Variants in NEU2 observed in about 807,000 individuals in gnomAD.
The protein encoded by NEU2 is neuraminidase 2, also known as sialidase-2.
Under a neutral mutation model 6.3 loss-of-function variants are expected in NEU2, and 7 were observed. The observed-to-expected ratio is 1.12, with a 90% CI of 0.63 to 2.10. NEU2 has a LOEUF of 2.10. Among genes scored for constraint, NEU2 ranks in the 30% most tolerant of loss-of-function variants. The probability of loss-of-function intolerance (pLI) is 0.00; values close to 1 mark genes in which losing one functional copy is unlikely to be tolerated. For synonymous variants in NEU2, 208 were observed against 223.3 expected (o/e 0.93, Z 0.61); for missense variants, 509 against 504.0 (o/e 1.01, Z -0.09).
At position 233,034,509 on chromosome 2, in the gene NEU2, A is replaced by G; in HGVS notation, c.595A>G (p.Ser199Gly). Residue 199 changes from serine (S) to glycine (G), a missense_variant, in exon 2 of 2, where the codon AGC (serine) becomes GGC (glycine). Coordinates refer to ENST00000233840, the MANE Select transcript of NEU2 (RefSeq NM_005383.2). The surrounding 1 kb of genome is among the most constrained non-coding windows in gnomAD (Gnocchi z 4.8). ...RPIPSAFCFL[S>G]HDHGRTWARG... ...GATCCCCTCTGCCTTCTGCTTCCTCAGCCATGACCATGGGCGCACGTGGGC... is the reference window on the plus strand; with the variant it reads ...GATCCCCTCTGCCTTCTGCTTCCTCGGCCATGACCATGGGCGCACGTGGGC... The G allele has an allele frequency of 1.2e-6, 2 of 1,614,076 alleles. No homozygotes were observed. The highest frequency in any genetic ancestry group is 8.5e-7 in the Non-Finnish European group (1 of 1,179,984).
chr2:233,034,625 A>T lies in NEU2; in HGVS notation c.711A>T (p.Arg237Ser). 6.2e-7 allele frequency: 1 copy of T among 1,607,774 alleles called. No individual in the cohort carries two copies. The highest frequency in any genetic ancestry group is 8.5e-7 in the Non-Finnish European group (1 of 1,175,860). ...AGAGGGTGGTGACCCTCAACGCGAG[A>T]AGCCACCTCCGAGCCAGGGTCCAGG... ...GEQRVVTLNA[R>S]SHLRARVQAQ... The change falls in exon 2 of 2, where the codon AGA becomes AGT. Residue 237 changes from arginine to serine, a missense_variant. Transcript: ENST00000233840. This position sits in a 1 kb window ranked among gnomAD's most constrained non-coding sequence, Gnocchi z 4.8.
chr2:233,033,243 T>G (rs1026231070), intron 1 of NEU2, among the ~76,000 whole-genome samples: 2 of 152,172 alleles, frequency 1.3e-5, no homozygotes, highest in African/African-American at 2.4e-5. Context: ...TTTTATAGAT[T>G]AAATAATTAA....
chr2:233,034,620 G>T lies in NEU2; in HGVS notation c.706G>T (p.Ala236Ser), dbSNP rs552418447. 3.5e-5 allele frequency: 57 copies of T among 1,609,274 alleles called. 1 individual carries two copies. In the South Asian group the frequency reaches 5.4e-4, roughly 15 times the overall value. Residue 236 changes from alanine (A) to serine (S), a missense_variant, in exon 2 of 2, where the codon GCG (alanine) becomes TCG (serine). Transcript: ENST00000233840. This position sits in a 1 kb window ranked among gnomAD's most constrained non-coding sequence, Gnocchi z 4.8. ...TGEQRVVTLN[A>S]RSHLRARVQA... ...GGAGCAGAGGGTGGTGACCCTCAAC[G>T]CGAGAAGCCACCTCCGAGCCAGGGT...
At position 233,034,793 on chromosome 2, in the gene NEU2, G is replaced by A; in HGVS notation, c.879G>A (p.Leu293=). The A allele has an allele frequency of 6.4e-7, 1 of 1,567,016 alleles. No individual in the cohort carries two copies. The highest frequency in any genetic ancestry group is 8.7e-7 in the Non-Finnish European group (1 of 1,155,896). ...GGCCTGGCTCCCCAGCCCAGTGGCT[G>A]CTCTACACTCACCCCACACACTCCT... is the stretch of plus-strand genomic sequence containing the variant. ...RSGPGSPAQW[L]LYTHPTHSWQ... is the part of the protein sequence containing the mutation. The change falls in exon 2 of 2, where the codon CTG becomes CTA. Residue 293 remains leucine (L), a synonymous_variant. Transcript: ENST00000233840. The surrounding 1 kb of genome is among the most constrained non-coding windows in gnomAD (Gnocchi z 4.8).
Position 233,034,250 on chromosome 2 carries a change from A to G in NEU2, c.336A>G (p.Gln112=), listed in dbSNP as rs1690554879. The G allele has an allele frequency of 1.2e-6, 2 of 1,614,012 alleles. No individual in the cohort carries two copies. Among genetic ancestry groups the G allele is most frequent in the Admixed American group, 3.3e-5 (2 of 59,994 alleles). The part of the protein sequence containing the change: ...FIAIPGQVTE[Q]QQLQTRANVT... Reference sequence around the variant, plus strand: ...CCATCCCTGGGCAAGTCACGGAGCAACAGCAGCTGCAGACCAGGGCCAATG... The same window carrying G: ...CCATCCCTGGGCAAGTCACGGAGCAGCAGCAGCTGCAGACCAGGGCCAATG... The change falls in exon 2 of 2, where the codon CAA becomes CAG. Residue 112 remains glutamine (Q), a synonymous_variant. Coordinates refer to ENST00000233840, the MANE Select transcript of NEU2 (RefSeq NM_005383.2). This position sits in a 1 kb window ranked among gnomAD's most constrained non-coding sequence, Gnocchi z 4.8.
intron 1 of NEU2, among the ~76,000 whole-genome samples, chr2:233,033,158 T>C (rs1690537969): frequency 6.6e-6 from 1 of 152,188 alleles, no homozygotes; most frequent in African/African-American, 2.4e-5. Context: ...TGTTGCATAA[T>C]GGAGGGTTGT....
chr2:233,034,015 C>T lies in NEU2; in HGVS notation c.202-101C>T. 9.8e-7 allele frequency: 1 copy of T among 1,015,358 alleles called. No homozygotes were observed. Among genetic ancestry groups the T allele is most frequent in the Non-Finnish European group, 1.5e-6 (1 of 688,594 alleles). The allele number at this position is 1,015,358 out of a possible 1,614,324, so 62.9% of individuals were successfully genotyped here. On this transcript the variant is annotated intron_variant, in intron 1 of 1. Coordinates refer to ENST00000233840, the MANE Select transcript of NEU2 (RefSeq NM_005383.2). The surrounding 1 kb of genome is among the most constrained non-coding windows in gnomAD (Gnocchi z 4.8). ...TCTTCTCGATGACTTTTGACTCTAA[C>T]CCGGGAGACACACCCGTGCCCACCC...
At chr2:233,032,983 C>G in intron 1 of NEU2, 111 bp downstream of exon 1, 1 of 1,146,778 alleles carries the variant, frequency 8.7e-7, no homozygotes, top group Non-Finnish European at 1.2e-6. Flanking sequence ...CTTTATCCCT[C>G]AATGGCTGTA....
Position 233,032,844 on chromosome 2 carries a change from A to G in NEU2, c.173A>G (p.Asp58Gly). 1 of 1,610,290 alleles carries G rather than the reference A, an allele frequency of 6.2e-7. No individual in the cohort carries two copies. The highest frequency in any genetic ancestry group is 1.7e-4 in the Middle Eastern group (1 of 6,056). ...GAGCTGATTGTCCTGCGCAGAGGAG[A>G]CTACGACGCACCCACCCACCAGGTT... ...HAELIVLRRG[D>G]YDAPTHQVQW... The change falls in exon 1 of 2, where the codon GAC becomes GGC. Residue 58 changes from aspartate to glycine, a missense_variant. By Grantham distance (94) the Asp-to-Gly change is moderately conservative. Coordinates refer to ENST00000233840, the MANE Select transcript of NEU2 (RefSeq NM_005383.2).
In NEU2 at chr2:233,032,749, CTACCTGCCTGGGCAGCAGTCCCTGCTG is replaced by C; in HGVS notation, c.79_105del (p.Tyr27_Leu35del). ...ATGCCTACAGAATCCCTGCCCTGCT[CTACCTGCCTGGGCAGCAGTCCCTGCTG>C]GCCTTCGCGGAACAGCGGGCAAGCA... On this transcript the variant is annotated inframe_deletion, in exon 1 of 2. Transcript: ENST00000233840. 1 of 1,614,250 alleles carries C rather than the reference CTACCTGCCTGGGCAGCAGTCCCTGCTG, an allele frequency of 6.2e-7. No individual in the cohort carries two copies. The highest frequency in any genetic ancestry group is 8.5e-7 in the Non-Finnish European group (1 of 1,180,038).
Position 233,032,761 on chromosome 2 carries a change from G to GCAGCAGTCCCTGCTGGC in NEU2, c.92_108dup (p.Phe37SerfsTer21). 2 of 1,614,244 alleles carry GCAGCAGTCCCTGCTGGC rather than the reference G, an allele frequency of 1.2e-6. No homozygotes were observed. The highest frequency in any genetic ancestry group is 1.7e-6 in the Non-Finnish European group (2 of 1,180,046). ...TCCCTGCCCTGCTCTACCTGCCTGG[G>GCAGCAGTCCCTGCTGGC]CAGCAGTCCCTGCTGGCCTTCGCGG... On this transcript the variant is annotated frameshift_variant, in exon 1 of 2. Transcript: ENST00000233840. LOFTEE classifies it high-confidence loss of function.
In NEU2 at chr2:233,034,946, T is replaced by C. The variant is rs1442660380; in HGVS notation, c.1032T>C (p.Pro344=). The C allele has an allele frequency of 6.2e-7, 1 of 1,614,058 alleles. No homozygotes were observed. Among genetic ancestry groups the C allele is most frequent in the African/African-American group, 1.3e-5 (1 of 74,952 alleles). Residue 344 remains proline (P), a synonymous_variant, in exon 2 of 2, where the codon CCT becomes CCC. Coordinates refer to ENST00000233840, the MANE Select transcript of NEU2 (RefSeq NM_005383.2). The surrounding 1 kb of genome is among the most constrained non-coding windows in gnomAD (Gnocchi z 4.8). Reference sequence around the variant, plus strand: ...ACCTCCAGAGCATGGGCACCGGCCCTGATGGGTCCCCCTTGTTTGGGTGTC... The same window carrying C: ...ACCTCCAGAGCATGGGCACCGGCCCCGATGGGTCCCCCTTGTTTGGGTGTC... ...YSDLQSMGTG[P]DGSPLFGCLY...
rs1690551801 is a variant in NEU2 at position 233,034,026 on chromosome 2, C to T, written c.202-90C>T. 3.0e-5 allele frequency: 34 copies of T among 1,125,180 alleles called. No individual in the cohort carries two copies. The South Asian group carries it at 5.0e-4, about 17-fold the overall frequency. 69.7% of individuals were successfully genotyped at this position (1,125,180 alleles called of 1,614,324 possible). A position where few individuals can be genotyped will look rare whatever the true frequency, so the allele number is the denominator to read the frequency against. On this transcript the variant is annotated intron_variant, in intron 1 of 1. Transcript: ENST00000233840. The surrounding 1 kb of genome is among the most constrained non-coding windows in gnomAD (Gnocchi z 4.8). ...ACTTTTGACTCTAACCCGGGAGACA[C>T]ACCCGTGCCCACCCCTCCCACTCAT...
At position 233,034,131 on chromosome 2, in the gene NEU2, G is replaced by A. The variant is rs758220863; in HGVS notation, c.217G>A (p.Val73Met). 1 of 1,611,848 alleles carries A rather than the reference G, an allele frequency of 6.2e-7. No homozygotes were observed. Among genetic ancestry groups the A allele is most frequent in the Non-Finnish European group, 8.5e-7 (1 of 1,178,878 alleles). ...THQVQWQAQE[V>M]VAQARLDGHR... ...CCCTACTCAGTGGCAAGCTCAGGAG[G>A]TGGTGGCCCAGGCCCGGCTGGATGG... Residue 73 changes from valine to methionine, a missense_variant, in exon 2 of 2, where the codon GTG (valine) becomes ATG (methionine). Physicochemically the swap from Val to Met is conservative, Grantham distance 21 (BLOSUM62 1). Transcript: ENST00000233840. This position sits in a 1 kb window ranked among gnomAD's most constrained non-coding sequence, Gnocchi z 4.8.
Position 233,033,248 on chromosome 2 carries a change from A to G in NEU2, c.201+376A>G, listed in dbSNP as rs968767990. On this transcript the variant is annotated intron_variant, in intron 1 of 1. Transcript: ENST00000233840. ...TAAAGTCCCATTTTATAGATTAAAT[A>G]ATTAATCCTGATGACAGCACCCAAG... 4.6e-5 allele frequency among the ~76,000 whole-genome samples: 7 copies of G among 152,170 alleles called. No homozygotes were observed. The East Asian group carries it at 1.3e-3, about 29-fold the overall frequency.
chr2:233,034,768 G>T lies in NEU2; in HGVS notation c.854G>T (p.Gly285Val), dbSNP rs1333238915. The T allele has an allele frequency of 2.0e-6, 3 of 1,536,068 alleles. No individual in the cohort carries two copies. The highest frequency in any genetic ancestry group is 1.4e-5 in the African/African-American group (1 of 72,532). The change falls in exon 2 of 2, where the codon GGG (glycine) becomes GTG (valine). Residue 285 changes from glycine to valine, a missense_variant. By Grantham distance (109) the Gly-to-Val change is moderately radical. Coordinates refer to ENST00000233840, the MANE Select transcript of NEU2 (RefSeq NM_005383.2). This position sits in a 1 kb window ranked among gnomAD's most constrained non-coding sequence, Gnocchi z 4.8. ...SVISFPSPRS[G>V]PGSPAQWLLY... ...ATCAGCTTCCCCAGCCCCCGCTCGGGGCCTGGCTCCCCAGCCCAGTGGCTG... is the reference window on the plus strand; with the variant it reads ...ATCAGCTTCCCCAGCCCCCGCTCGGTGCCTGGCTCCCCAGCCCAGTGGCTG...
Position 233,034,955 on chromosome 2 carries a change from C to A in NEU2, c.1041C>A (p.Ser347=). ...GCATGGGCACCGGCCCTGATGGGTCCCCCTTGTTTGGGTGTCTGTACGAAG... is the reference window on the plus strand; with the variant it reads ...GCATGGGCACCGGCCCTGATGGGTCACCCTTGTTTGGGTGTCTGTACGAAG... ...LQSMGTGPDG[S]PLFGCLYEAN... Residue 347 remains serine, a synonymous_variant, in exon 2 of 2, where the codon TCC becomes TCA. Coordinates refer to ENST00000233840, the MANE Select transcript of NEU2 (RefSeq NM_005383.2). This position sits in a 1 kb window ranked among gnomAD's most constrained non-coding sequence, Gnocchi z 4.8. 1 of 1,614,206 alleles carries A rather than the reference C, an allele frequency of 6.2e-7. No individual in the cohort carries two copies. The highest frequency in any genetic ancestry group is 8.5e-7 in the Non-Finnish European group (1 of 1,180,026).
In NEU2 at chr2:233,034,424, G is replaced by A. The variant is rs778297388; in HGVS notation, c.510G>A (p.Arg170=). 6.2e-7 allele frequency: 1 copy of A among 1,613,926 alleles called. No individual in the cohort carries two copies. The highest frequency in any genetic ancestry group is 8.5e-7 in the Non-Finnish European group (1 of 1,179,876). Residue 170 remains arginine (R), a synonymous_variant, in exon 2 of 2, where the codon AGG becomes AGA. Transcript: ENST00000233840. The surrounding 1 kb of genome is among the most constrained non-coding windows in gnomAD (Gnocchi z 4.8). ...GPGHCLQLHD[R]ARSLVVPAYA... The stretch of plus-strand genomic sequence containing the variant: ...GGCATTGTTTGCAGCTTCACGACAG[G>A]GCCCGGAGCCTGGTGGTGCCCGCCT...
Position 233,032,798 on chromosome 2 carries a change from A to T in NEU2, c.127A>T (p.Ser43Cys). The change falls in exon 1 of 2, where the codon AGC becomes TGC. Residue 43 changes from serine to cysteine, a missense_variant. Ser to Cys is a moderately radical substitution (Grantham distance 112, BLOSUM62 -1). Coordinates refer to ENST00000233840, the MANE Select transcript of NEU2 (RefSeq NM_005383.2). ...SLLAFAEQRASKKDEHAELIV... is the reference protein window; with the variant it reads ...SLLAFAEQRACKKDEHAELIV... ...GCTGGCCTTCGCGGAACAGCGGGCA[A>T]GCAAGAAGGATGAGCACGCAGAGCT... 7 of 1,614,204 alleles carry T rather than the reference A, an allele frequency of 4.3e-6. No homozygotes were observed. Among genetic ancestry groups the T allele is most frequent in the Non-Finnish European group, 5.9e-6 (7 of 1,180,042 alleles).
Sources: gnomAD v4.1 joint callset for allele counts (sites outside exome capture counted in the v4.1 genomes callset) on GRCh38, gnomAD v4.1.1 for gene constraint, Gnocchi (gnomAD v3.1) non-coding constraint, MANE v1.5 for transcripts, NCBI Gene and HGNC (gene_info 2026-07-23, HGNC 2026-07-21) for gene names.